ZNF385B: variants seen among roughly 807,000 people sequenced by gnomAD.
ZNF385B encodes zinc finger protein 385B.
Under a neutral mutation model 39.2 loss-of-function variants are expected in ZNF385B, and 23 were observed. That is an observed-to-expected ratio of 0.59 (90% CI 0.42 to 0.83). The LOEUF (loss-of-function observed/expected upper bound fraction) is 0.83. ZNF385B is among the 40% of genes least tolerant of loss of function. The probability of loss-of-function intolerance (pLI) is 0.00; values close to 1 mark genes in which losing one functional copy is unlikely to be tolerated. For missense variants in ZNF385B, 552 were observed against 598.9 expected (o/e 0.92, Z 0.82); for synonymous variants, 205 against 222.6 (o/e 0.92, Z 0.70).
chr2:179,695,601 T>C (rs530118414), intron 3 of ZNF385B, among the ~76,000 whole-genome samples: 5 of 152,290 alleles, frequency 3.3e-5, no homozygotes, highest in Admixed American at 6.5e-5. Flanking sequence ...TTTAAAAATG[T>C]TTGACCTGGT....
chr2:179,816,382 T>C (rs540795374), intron 1 of ZNF385B, among the ~76,000 whole-genome samples: 1 of 152,340 alleles, frequency 6.6e-6, no homozygotes, highest in Admixed American at 6.5e-5. Context: ...CGTCATCTGT[T>C]AAGCCCCTGC....
intron 5 of ZNF385B, among the ~76,000 whole-genome samples, chr2:179,488,133 T>C (rs1348295574): frequency 6.6e-6 from 1 of 152,138 alleles, no homozygotes. Flanking sequence ...ATTTTTACCT[T>C]ACTTATTTCT....
At chr2:179,688,692 C>G (rs1388768728) in intron 3 of ZNF385B, among the ~76,000 whole-genome samples, 2 of 152,042 alleles carry the variant, frequency 1.3e-5, no homozygotes, top group African/African-American at 4.8e-5. Context: ...TAATATCGAC[C>G]CTCTAGCATT....
chr2:179,443,408 G>A lies in ZNF385B; in HGVS notation c.1303C>T (p.Pro435Ser). ...GACACGGCTGCCGCCGCTGCGAGAG[G>A]TGAGGACAGGAAGGCTGGGGCCAAA... is the stretch of plus-strand genomic sequence containing the variant. ...KPLAPAFLSSPLAAAAAVSSA... is the reference protein window; with the variant it reads ...KPLAPAFLSSSLAAAAAVSSA... Residue 435 changes from proline to serine, a missense_variant, in exon 10 of 10, where the codon CCT (proline) becomes TCT (serine). Coordinates refer to ENST00000410066, the MANE Select transcript of ZNF385B (RefSeq NM_152520.6). The A allele has an allele frequency of 1.2e-6, 2 of 1,612,124 alleles. No individual in the cohort carries two copies. Among genetic ancestry groups the A allele is most frequent in the Non-Finnish European group, 1.7e-6 (2 of 1,179,298 alleles).
chr2:179,547,164 G>C (rs940050408), intron 3 of ZNF385B, among the ~76,000 whole-genome samples: 1 of 149,538 alleles, frequency 6.7e-6, no homozygotes, highest in Non-Finnish European at 1.5e-5. Context: ...CCCATTCTGT[G>C]GGTTGCCTCT....
intron 1 of ZNF385B, among the ~76,000 whole-genome samples, chr2:179,826,210 TTAAA>T (rs1397382398): frequency 6.6e-6 from 1 of 152,146 alleles, no homozygotes; most frequent in Non-Finnish European, 1.5e-5. Flanking sequence ...AGTTCAATGT[TTAAA>T]TAGACAAGGA....
At chr2:179,477,750 C>G (rs1317449736) in intron 6 of ZNF385B, among the ~76,000 whole-genome samples, 1 of 150,346 alleles carries the variant, frequency 6.7e-6, no homozygotes, top group African/African-American at 2.5e-5. Context: ...TATCATTTGC[C>G]ATTTACCTAA....
At chr2:179,567,952 G>A (rs760214984) in intron 3 of ZNF385B, among the ~76,000 whole-genome samples, 1 of 152,118 alleles carries the variant, frequency 6.6e-6, no homozygotes, top group Non-Finnish European at 1.5e-5. Flanking sequence ...TTCTCACACA[G>A]CAGCCAAGCA....
chr2:179,852,442 C>G (rs1449789552), intron 1 of ZNF385B, among the ~76,000 whole-genome samples: 1 of 152,046 alleles, frequency 6.6e-6, no homozygotes, highest in Non-Finnish European at 1.5e-5. Flanking sequence ...ATCTTGGGAG[C>G]CAAAAATCGC....
chr2:179,527,211 C>A (rs572212479), intron 4 of ZNF385B, among the ~76,000 whole-genome samples: 1 of 152,152 alleles, frequency 6.6e-6, no homozygotes, highest in Non-Finnish European at 1.5e-5. Context: ...TTTTCTAGGG[C>A]TTCCTTAATG....
chr2:179,660,167 G>C (rs1000357211), intron 3 of ZNF385B: 2 of 152,454 alleles, frequency 1.3e-5, no homozygotes, highest in Non-Finnish European at 2.9e-5. Flanking sequence ...ACATTAACCT[G>C]CCACCGGTTT....
chr2:179,776,476 C>T (rs1214466407), intron 1 of ZNF385B, among the ~76,000 whole-genome samples: 1 of 152,144 alleles, frequency 6.6e-6, no homozygotes, highest in Non-Finnish European at 1.5e-5. Context: ...ACTCAGGGAA[C>T]CCCCATATCT....
chr2:179,561,374 A>G (rs2061326711), intron 3 of ZNF385B, among the ~76,000 whole-genome samples: 1 of 152,198 alleles, frequency 6.6e-6, no homozygotes, highest in South Asian at 2.1e-4. Context: ...TGTCTCAAGG[A>G]CCTTGGAAAA....
chr2:179,778,280 C>T (rs924459137), intron 1 of ZNF385B, among the ~76,000 whole-genome samples: 6 of 152,174 alleles, frequency 3.9e-5, no homozygotes, highest in Non-Finnish European at 7.4e-5. Flanking sequence ...CAGCAAACTG[C>T]AAAACATAAC....
intron 6 of ZNF385B, among the ~76,000 whole-genome samples, chr2:179,452,581 A>G (rs545919845): frequency 6.6e-6 from 1 of 152,234 alleles, no homozygotes; most frequent in Admixed American, 6.5e-5. Context: ...GAAAGCTGTA[A>G]TCAAATTTTT....
intron 1 of ZNF385B, among the ~76,000 whole-genome samples, chr2:179,831,753 A>C (rs1014972045): frequency 6.6e-6 from 1 of 152,166 alleles, no homozygotes; most frequent in Non-Finnish European, 1.5e-5. Flanking sequence ...CAAAGGGTCC[A>C]AGCCCTGGAT....
chr2:179,576,331 T>C (rs1685810620), intron 3 of ZNF385B: 3 of 260,952 alleles, frequency 1.1e-5, no homozygotes. Context: ...ATTTATCCAT[T>C]TGACACATAT....
chr2:179,807,517 A>G (rs1706428592), intron 1 of ZNF385B, among the ~76,000 whole-genome samples: 1 of 152,080 alleles, frequency 6.6e-6, no homozygotes, highest in South Asian at 2.1e-4. Flanking sequence ...CAGGAGGCAG[A>G]GGTTGCAGTG....
At chr2:179,510,606 C>G (rs957251765) in intron 5 of ZNF385B, among the ~76,000 whole-genome samples, 2 of 151,870 alleles carry the variant, frequency 1.3e-5, no homozygotes, top group Non-Finnish European at 2.9e-5. Flanking sequence ...TATTTTTTAA[C>G]CCTCTAAAGG....
Sources: allele counts gnomAD v4.1 joint callset (sites outside exome capture counted in the v4.1 genomes callset), GRCh38; gene constraint gnomAD v4.1.1; transcripts MANE v1.5; gene names NCBI Gene and HGNC (gene_info 2026-07-23, HGNC 2026-07-21).